Variants in RASIP1 observed in about 807,000 individuals in gnomAD.
RASIP1 encodes Ras interacting protein 1.
RASIP1 carries 20 observed loss-of-function variants against 85.3 expected under a neutral mutation model. The observed-to-expected ratio is 0.23, with a 90% CI of 0.17 to 0.34. The LOEUF (loss-of-function observed/expected upper bound fraction) is 0.34, where lower values mean the gene tolerates loss of function less well. Ranked by LOEUF, RASIP1 falls within the 10% of genes least tolerant of loss-of-function variation. RASIP1 has a pLI of 1.00. For synonymous variants in RASIP1, 617 were observed against 647.1 expected (o/e 0.95, Z 0.71); for missense variants, 1,170 against 1,390.9 (o/e 0.84, Z 2.53).
Position 48,720,666 on chromosome 19 carries a change from C to T in RASIP1, c.*132G>A, listed in dbSNP as rs1193737068. 2.9e-6 allele frequency: 3 copies of T among 1,045,038 alleles called. No homozygotes were observed. Among genetic ancestry groups the T allele is most frequent in the Non-Finnish European group, 4.3e-6 (3 of 695,574 alleles). 64.7% of individuals were successfully genotyped at this position (1,045,038 alleles called of 1,614,324 possible). A position where few individuals can be genotyped will look rare whatever the true frequency, so the allele number is the denominator to read the frequency against. ...TCCCACCGTCCCATCCGCTACTTCC[C>T]GAAAACTCAATCTCCCAACATTCCA... On this transcript the variant is annotated 3_prime_UTR_variant, in exon 12 of 12. Transcript: ENST00000222145.
At chr19:48,725,216 G>C in intron 8 of RASIP1, 2 of 437,348 alleles carry the variant, frequency 4.6e-6, no homozygotes, top group Non-Finnish European at 8.3e-6. Context: ...GCTCAAGGAG[G>C]ACAAAGGATA....
chr19:48,731,973 G>A (rs977901463), intron 4 of RASIP1, among the ~76,000 whole-genome samples: 36 of 152,192 alleles, frequency 2.4e-4, no homozygotes, highest in Non-Finnish European at 3.5e-4. Context: ...TCCATGAATC[G>A]GCAAACCAAA....
chr19:48,735,698 G>A (rs767190540), intron 3 of RASIP1, 147 bp from the exon 4 acceptor site: 1 of 772,780 alleles, frequency 1.3e-6, no homozygotes, highest in African/African-American at 1.8e-5. Flanking sequence ...TCTGTTCCCT[G>A]TGCGTGGAAC....
chr19:48,726,167 T>C (rs2033339438), intron 8 of RASIP1, among the ~76,000 whole-genome samples: 3 of 152,214 alleles, frequency 2.0e-5, no homozygotes, highest in Admixed American at 2.0e-4. Context: ...CCTCGCGGTC[T>C]GCCCACCTTG....
In RASIP1 at chr19:48,738,126, G is replaced by A. The variant is rs1254193229; in HGVS notation, c.823+834C>T. Among the ~76,000 whole-genome samples the A allele has an allele frequency of 6.6e-6, 1 of 152,014 alleles. No individual in the cohort carries two copies. Among genetic ancestry groups the A allele is most frequent in the Non-Finnish European group, 1.5e-5 (1 of 68,016 alleles). ...CGCTCGGCTAATTTTTGTATTTTTAGAAGAGACAGGATTTCACCATGTTGG... is the reference window on the plus strand; with the variant it reads ...CGCTCGGCTAATTTTTGTATTTTTAAAAGAGACAGGATTTCACCATGTTGG... On this transcript the variant is annotated intron_variant, in intron 3 of 11. Transcript: ENST00000222145. This position sits in a 1 kb window ranked among gnomAD's most constrained non-coding sequence, Gnocchi z 4.0.
Position 48,738,647 on chromosome 19 carries a change from C to T in RASIP1, c.823+313G>A. ...GAAGGCCCTAACCCCAATTCGGAGC[C>T]ACTTCAGGCCACTCCAAGCCACCAC... On this transcript the variant is annotated intron_variant, in intron 3 of 11. Transcript: ENST00000222145. The surrounding 1 kb of genome is among the most constrained non-coding windows in gnomAD (Gnocchi z 4.0). 4.3e-6 allele frequency: 1 copy of T among 231,220 alleles called. No individual in the cohort carries two copies. Among genetic ancestry groups the T allele is most frequent in the Non-Finnish European group, 8.3e-6 (1 of 119,884 alleles). 14.3% of individuals were successfully genotyped at this position (231,220 alleles called of 1,614,324 possible).
Position 48,740,266 on chromosome 19 carries a change from C to G in RASIP1, c.17G>C (p.Arg6Pro), listed in dbSNP as rs2033648732. Residue 6 changes from arginine (R) to proline (P), a missense_variant, in exon 2 of 12, where the codon CGG becomes CCG. Physicochemically the swap from Arg to Pro is moderately radical, Grantham distance 103. Around this residue, in one of 4 missense-constraint regions of RASIP1, gnomAD observed 299 missense variants for 394.4 expected, o/e 0.76. Transcript: ENST00000222145. This position sits in a 1 kb window ranked among gnomAD's most constrained non-coding sequence, Gnocchi z 5.5. ...GAAGCGGGGGCTTCCGCCCTCCTTC[C>G]GTTCACCAGACAGCATGGCCCTAAG... MLSGERKEGGSPRFGK... is the reference protein window; with the variant it reads MLSGEPKEGGSPRFGK... 2.5e-6 allele frequency: 4 copies of G among 1,587,728 alleles called. No individual in the cohort carries two copies. The highest frequency in any genetic ancestry group is 1.7e-6 in the Non-Finnish European group (2 of 1,169,630).
Position 48,739,466 on chromosome 19 carries a change from G to A in RASIP1, c.317C>T (p.Ala106Val). 1.4e-6 allele frequency: 2 copies of A among 1,478,232 alleles called. No individual in the cohort carries two copies. The highest frequency in any genetic ancestry group is 1.8e-6 in the Non-Finnish European group (2 of 1,120,636). 91.6% of individuals were successfully genotyped at this position (1,478,232 alleles called of 1,614,324 possible). A position where few individuals can be genotyped will look rare whatever the true frequency, so the allele number is the denominator to read the frequency against. Reference sequence around the variant, plus strand: ...GCCCCCCGGGGTCCCAGGGCCTCCTGCGCCGCTGGACCCCGTGGTCCCGGT... The same window carrying A: ...GCCCCCCGGGGTCCCAGGGCCTCCTACGCCGCTGGACCCCGTGGTCCCGGT... The part of the protein sequence containing the change: ...SGTGTTGSSG[A>V]GGPGTPGGAQ... Residue 106 changes from alanine (A) to valine (V), a missense_variant, in exon 3 of 12, where the codon GCA (alanine) becomes GTA (valine). Transcript: ENST00000222145. This position sits in a 1 kb window ranked among gnomAD's most constrained non-coding sequence, Gnocchi z 9.2.
rs867127331 is a variant in RASIP1, at chr19:48,738,759, G to A, written c.823+201C>T. 1.7e-3 allele frequency: 952 copies of A among 574,566 alleles called. 17 individuals are homozygous for A. The highest frequency in any genetic ancestry group is 1.8e-3 in the Middle Eastern group (3 of 1,690). The allele number at this position is 574,566 out of a possible 1,614,324, so 35.6% of individuals were successfully genotyped here. On this transcript the variant is annotated intron_variant, in intron 3 of 11. Transcript: ENST00000222145. The surrounding 1 kb of genome is among the most constrained non-coding windows in gnomAD (Gnocchi z 4.0). ...TCAACAAGCCCCACCCAACTCTCAG[G>A]CCCGCCCATCTGGCCGCCCCCGGCC...
chr19:48,738,731 C>T lies in RASIP1; in HGVS notation c.823+229G>A. On this transcript the variant is annotated intron_variant, in intron 3 of 11. Coordinates refer to ENST00000222145, the MANE Select transcript of RASIP1 (RefSeq NM_017805.3). The surrounding 1 kb of genome is among the most constrained non-coding windows in gnomAD (Gnocchi z 4.0). Reference sequence around the variant, plus strand: ...GCTTGGCCCCTGTAAAACTCCTGCTCAATCAACAAGCCCCACCCAACTCTC... The same window carrying T: ...GCTTGGCCCCTGTAAAACTCCTGCTTAATCAACAAGCCCCACCCAACTCTC... The T allele has an allele frequency of 2.4e-6, 1 of 422,452 alleles. No homozygotes were observed. Among genetic ancestry groups the T allele is most frequent in the Non-Finnish European group, 3.7e-6 (1 of 269,396 alleles). 26.2% of individuals were successfully genotyped at this position (422,452 alleles called of 1,614,324 possible).
chr19:48,733,515 G>T (rs1163948562), intron 4 of RASIP1, among the ~76,000 whole-genome samples: 1 of 152,104 alleles, frequency 6.6e-6, no homozygotes, highest in Non-Finnish European at 1.5e-5. Context: ...CTAAAAATGG[G>T]TCAGTGCTGG....
In RASIP1 at chr19:48,739,933, G is replaced by A. The variant is rs1026561870; in HGVS notation, c.137+213C>T. On this transcript the variant is annotated intron_variant, in intron 2 of 11. Transcript: ENST00000222145. This position sits in a 1 kb window ranked among gnomAD's most constrained non-coding sequence, Gnocchi z 9.2. ...CCCTGCTCCTTCTGTCCCCGTCCCC[G>A]TGCCCATCCGGCCTCACTCCACCTC... Among the ~76,000 whole-genome samples, 1 of 152,126 alleles carries A rather than the reference G, an allele frequency of 6.6e-6. No individual in the cohort carries two copies. Among genetic ancestry groups the A allele is most frequent in the Non-Finnish European group, 1.5e-5 (1 of 68,014 alleles).
rs1359423686 is a variant in RASIP1, at chr19:48,729,068, C to T, written c.1702G>A (p.Gly568Arg). 2.9e-6 allele frequency: 4 copies of T among 1,385,022 alleles called. No homozygotes were observed. The highest frequency in any genetic ancestry group is 3.7e-6 in the Non-Finnish European group (4 of 1,079,224). The allele number at this position is 1,385,022 out of a possible 1,614,324, so 85.8% of individuals were successfully genotyped here. Residue 568 changes from glycine to arginine, a missense_variant, in exon 5 of 12, where the codon GGA becomes AGA. This residue lies in a region of RASIP1 where 426 missense variants were observed against 576.2 expected (regional missense o/e 0.74). Coordinates refer to ENST00000222145, the MANE Select transcript of RASIP1 (RefSeq NM_017805.3). ...EIVRAAAAGSGDLPPLGPATL... is the reference protein window; with the variant it reads ...EIVRAAAAGSRDLPPLGPATL... ...GCGGGCCCGAGGGGCGGCAGGTCTCCCGAGCCGGCGGCTGCGGCGCGCACG... is the reference window on the plus strand; with the variant it reads ...GCGGGCCCGAGGGGCGGCAGGTCTCTCGAGCCGGCGGCTGCGGCGCGCACG...
rs2122424691 is a variant in RASIP1, at chr19:48,724,986, A to T, written c.2128-26T>A. 1 of 1,604,488 alleles carries T rather than the reference A, an allele frequency of 6.2e-7. No homozygotes were observed. The highest frequency in any genetic ancestry group is 1.1e-5 in the South Asian group (1 of 90,676). On this transcript the variant is annotated intron_variant, in intron 8 of 11. Coordinates refer to ENST00000222145, the MANE Select transcript of RASIP1 (RefSeq NM_017805.3). This position sits in a 1 kb window ranked among gnomAD's most constrained non-coding sequence, Gnocchi z 4.6. Reference sequence around the variant, plus strand: ...CTGAGAAAATAGAGAAGTGGAAACAAGTGATTGGACTACAACTCCCAGGAA... The same window carrying T: ...CTGAGAAAATAGAGAAGTGGAAACATGTGATTGGACTACAACTCCCAGGAA...
In RASIP1 at chr19:48,740,365, AGAGG is replaced by A; in HGVS notation, c.-4-83_-4-80del. On this transcript the variant is annotated intron_variant, in intron 1 of 11. Transcript: ENST00000222145. This position sits in a 1 kb window ranked among gnomAD's most constrained non-coding sequence, Gnocchi z 5.5. Reference sequence around the variant, plus strand: ...GTGGAGGGAACCTGGACTCCGAGTCAGAGGGAGGAGGGGGCTGGGGCTCAGACTT... The same window carrying A: ...GTGGAGGGAACCTGGACTCCGAGTCAGAGGAGGGGGCTGGGGCTCAGACTT... The A allele has an allele frequency of 6.7e-7, 1 of 1,490,372 alleles. No homozygotes were observed. Among genetic ancestry groups the A allele is most frequent in the South Asian group, 1.2e-5 (1 of 80,236 alleles). The allele number at this position is 1,490,372 out of a possible 1,614,324, so 92.3% of individuals were successfully genotyped here. A position where few individuals can be genotyped will look rare whatever the true frequency, so the allele number is the denominator to read the frequency against.
Position 48,740,543 on chromosome 19 carries a change from C to T in RASIP1, c.-27G>A. 4 of 1,386,222 alleles carry T rather than the reference C, an allele frequency of 2.9e-6. No homozygotes were observed. The highest frequency in any genetic ancestry group is 2.8e-5 in the East Asian group (1 of 35,630). 85.9% of individuals were successfully genotyped at this position (1,386,222 alleles called of 1,614,324 possible). A position where few individuals can be genotyped will look rare whatever the true frequency, so the allele number is the denominator to read the frequency against. On this transcript the variant is annotated 5_prime_UTR_variant, in exon 1 of 12. Coordinates refer to ENST00000222145, the MANE Select transcript of RASIP1 (RefSeq NM_017805.3). This position sits in a 1 kb window ranked among gnomAD's most constrained non-coding sequence, Gnocchi z 5.5. ...TACCCTGCTTCGGGTCCGGCACACC[C>T]GGAGGCCCTGGCTCCACTGGCCTGG...
Position 48,740,523 on chromosome 19 carries a change from T to A in RASIP1, c.-7A>T, listed in dbSNP as rs1719328791. On this transcript the variant is annotated splice_region_variant and 5_prime_UTR_variant, in exon 1 of 12. Transcript: ENST00000222145. The surrounding 1 kb of genome is among the most constrained non-coding windows in gnomAD (Gnocchi z 5.5). ...GCTGCTGGGTCCCTGGCTCTTACCC[T>A]GCTTCGGGTCCGGCACACCCGGAGG... 1 of 1,390,916 alleles carries A rather than the reference T, an allele frequency of 7.2e-7. No homozygotes were observed. The highest frequency in any genetic ancestry group is 9.3e-7 in the Non-Finnish European group (1 of 1,079,944). 86.2% of individuals were successfully genotyped at this position (1,390,916 alleles called of 1,614,324 possible). A position where few individuals can be genotyped will look rare whatever the true frequency, so the allele number is the denominator to read the frequency against.
chr19:48,726,475 C>G (rs1287656552), intron 8 of RASIP1, among the ~76,000 whole-genome samples: 5 of 152,190 alleles, frequency 3.3e-5, no homozygotes, highest in Admixed American at 1.3e-4. Flanking sequence ...ATCCACCCGC[C>G]TTGACCTCCC....
intron 11 of RASIP1, among the ~76,000 whole-genome samples, 176 bp from the exon 12 acceptor site, chr19:48,721,173 G>C (rs1198809396): frequency 6.6e-6 from 1 of 152,192 alleles, no homozygotes; most frequent in African/African-American, 2.4e-5. Flanking sequence ...GATGGAAGTT[G>C]TAGTTCAGAC....
Sources: gnomAD v4.1 joint callset for allele counts (sites outside exome capture counted in the v4.1 genomes callset) on GRCh38, gnomAD v4.1.1 for gene constraint, gnomAD v4.1.1 regional missense constraint, Gnocchi (gnomAD v3.1) non-coding constraint, MANE v1.5 for transcripts, NCBI Gene and HGNC (gene_info 2026-07-23, HGNC 2026-07-21) for gene names.